The following RGS7 variants were observed in gnomAD, a reference collection of about 807,000 sequenced individuals.
The protein encoded by RGS7 is regulator of G-protein signaling 7.
In RGS7, 27 loss-of-function variants were observed where a neutral mutation model predicts 81.1. The ratio of observed to expected loss-of-function variants is 0.33; its 90% CI spans 0.25 to 0.46. The LOEUF is 0.46. RGS7 is among the 20% of genes least tolerant of loss of function. RGS7 has a pLI of 1.00. For synonymous variants in RGS7, 208 were observed against 207.7 expected (o/e 1.00, Z -0.01); for missense variants, 396 against 607.4 (o/e 0.65, Z 3.66).
chr1:240,802,503 T>A (rs1223130305), intron 16 of RGS7, among the ~76,000 whole-genome samples: 1 of 152,180 alleles, frequency 6.6e-6, no homozygotes, highest in Admixed American at 6.6e-5. Flanking sequence ...CTTTCAGTTA[T>A]GAGGCCTGTG....
intron 6 of RGS7, among the ~76,000 whole-genome samples, chr1:240,924,783 G>A (rs1446234739): frequency 6.6e-6 from 1 of 152,108 alleles, no homozygotes; most frequent in Admixed American, 6.5e-5. Context: ...GAGTGATGCA[G>A]TCACCTCAGG....
intron 2 of RGS7, among the ~76,000 whole-genome samples, chr1:241,121,099 G>A (rs1397766177): frequency 2.0e-5 from 3 of 152,090 alleles, no homozygotes; most frequent in Non-Finnish European, 4.4e-5. Context: ...CCTTGCCTGG[G>A]CTCCTGACTC....
intron 2 of RGS7, among the ~76,000 whole-genome samples, chr1:241,279,104 AT>A (rs1284633749): frequency 6.6e-6 from 1 of 152,058 alleles, no homozygotes; most frequent in East Asian, 1.9e-4. Flanking sequence ...GCAAGATCTC[AT>A]AAATTCTTCA....
At chr1:240,951,446 T>C (rs956148014) in intron 4 of RGS7, among the ~76,000 whole-genome samples, 3 of 152,038 alleles carry the variant, frequency 2.0e-5, no homozygotes, top group African/African-American at 7.2e-5. Flanking sequence ...AAGAAAGATA[T>C]TCGAAGAAAG....
intron 3 of RGS7, among the ~76,000 whole-genome samples, chr1:241,084,356 C>T (rs2063313326): frequency 6.6e-6 from 1 of 152,146 alleles, no homozygotes; most frequent in Non-Finnish European, 1.5e-5. Flanking sequence ...GAGAACTGGT[C>T]ACACTGTTAG....
rs576605283 is a variant in RGS7 at position 240,868,019 on chromosome 1, GAAAGA to G, written c.609+563_609+567del. Reference sequence around the variant, plus strand: ...CCATAAAAAAAGAGAGAGAGAGAAAGAAAGAAAAGAAAAGAAGAGAAAAGAAAGAA... The same window carrying G: ...CCATAAAAAAAGAGAGAGAGAGAAAGAAAGAAAAGAAGAGAAAAGAAAGAA... On this transcript the variant is annotated intron_variant, in intron 9 of 18. Transcript: ENST00000440928. The surrounding 1 kb of genome is among the most constrained non-coding windows in gnomAD (Gnocchi z 5.1). Among the ~76,000 whole-genome samples, 4 of 124,254 alleles carry G rather than the reference GAAAGA, an allele frequency of 3.2e-5. No individual in the cohort carries two copies. Among genetic ancestry groups the G allele is most frequent in the Non-Finnish European group, 7.1e-5 (4 of 56,550 alleles). The allele number at this position is 124,254 out of a possible 152,430, so 81.5% of individuals were successfully genotyped here.
At chr1:241,051,451 T>C (rs2061244211) in intron 3 of RGS7, among the ~76,000 whole-genome samples, 4 of 139,078 alleles carry the variant, frequency 2.9e-5, no homozygotes, top group African/African-American at 1.1e-4. Context: ...GAAAAAGGGA[T>C]TGCAGAAGCC....
chr1:240,909,391 C>T (rs558775478), intron 6 of RGS7, among the ~76,000 whole-genome samples: 1 of 152,194 alleles, frequency 6.6e-6, no homozygotes, highest in South Asian at 2.1e-4. Context: ...GTCTGTTTTC[C>T]TTGTATATTC....
chr1:240,947,951 A>C (rs1028411034), intron 4 of RGS7, among the ~76,000 whole-genome samples: 1 of 152,154 alleles, frequency 6.6e-6, no homozygotes, highest in Non-Finnish European at 1.5e-5. Context: ...AAGCATGCGC[A>C]GGCCTTAGGC....
At chr1:240,944,954 G>A (rs371353686) in intron 4 of RGS7, among the ~76,000 whole-genome samples, 1 of 152,234 alleles carries the variant, frequency 6.6e-6, no homozygotes, top group African/African-American at 2.4e-5. Flanking sequence ...CTCGTGATCT[G>A]CCTGCCTCGG....
chr1:241,221,035 AAGGAAAAG>A lies in RGS7; in HGVS notation c.79-122281_79-122274del, dbSNP rs1436045035. On this transcript the variant is annotated intron_variant, in intron 2 of 18. Coordinates refer to ENST00000440928, the MANE Select transcript of RGS7 (RefSeq NM_001364886.1). ...GAAGGAAGGAAGGAAGGAAGGAAGG[AAGGAAAAG>A]AAAGAAAGAAAGAAAGAGAGAGAGA... is the stretch of plus-strand genomic sequence containing the variant. Among the ~76,000 whole-genome samples, 195 of 106,524 alleles carry A rather than the reference AAGGAAAAG, an allele frequency of 1.8e-3. 1 individual carries two copies. Among genetic ancestry groups the A allele is most frequent in the Middle Eastern group, 4.5e-3 (1 of 222 alleles). The allele number at this position is 106,524 out of a possible 152,430, so 69.9% of individuals were successfully genotyped here. A position where few individuals can be genotyped will look rare whatever the true frequency, so the allele number is the denominator to read the frequency against.
chr1:240,896,128 G>A (rs1308743054), intron 6 of RGS7, among the ~76,000 whole-genome samples: 7 of 152,002 alleles, frequency 4.6e-5, no homozygotes, highest in Admixed American at 2.6e-4. Context: ...ACTTTTTGAT[G>A]GGGTTGATTT....
Position 241,096,882 on chromosome 1 carries a change from C to G in RGS7, c.175+1784G>C, listed in dbSNP as rs147219124. ...AGCAGGCCATACACAGTGGAACTGACCAGTTCCCAGTGCAGGATGGCAACG... is the reference window on the plus strand; with the variant it reads ...AGCAGGCCATACACAGTGGAACTGAGCAGTTCCCAGTGCAGGATGGCAACG... On this transcript the variant is annotated intron_variant, in intron 3 of 18. Transcript: ENST00000440928. Among the ~76,000 whole-genome samples the G allele has an allele frequency of 1.3e-3, 194 of 152,236 alleles. 1 individual carries two copies. Among genetic ancestry groups the G allele is most frequent in the African/African-American group, 4.5e-3 (185 of 41,538 alleles).
chr1:240,903,937 G>T lies in RGS7; in HGVS notation c.385+26780C>A, dbSNP rs201636940. 2.6e-5 allele frequency among the ~76,000 whole-genome samples: 4 copies of T among 152,268 alleles called. No homozygotes were observed. The East Asian group carries it at 5.8e-4, about 22-fold the overall frequency. On this transcript the variant is annotated intron_variant, in intron 6 of 18. Transcript: ENST00000440928. ...AGGGCCTCACCAGAAGCAGGTGCTG[G>T]TGCCATGCTTCTTGTACAGTCTGCA...
chr1:241,283,894 T>A (rs538368528), intron 2 of RGS7, among the ~76,000 whole-genome samples: 8 of 152,202 alleles, frequency 5.3e-5, no homozygotes, highest in Non-Finnish European at 1.2e-4. Flanking sequence ...GCCTTCTTCA[T>A]TCCACTGATG....
intron 4 of RGS7, among the ~76,000 whole-genome samples, chr1:240,958,722 TA>T (rs1174484389): frequency 1.3e-5 from 2 of 152,176 alleles, no homozygotes; most frequent in African/African-American, 4.8e-5. Context: ...ACCTCTCCTT[TA>T]ACATTTATGT....
chr1:240,916,109 C>CAAAAAAAAAAAAAAAAA (rs60839025), intron 6 of RGS7, among the ~76,000 whole-genome samples: 1 of 70,944 alleles, frequency 1.4e-5, no homozygotes, highest in African/African-American at 4.6e-5. Flanking sequence ...CTAAAAATAC[C>CAAAAAAAAAAAAAAAAA]AAAAAAAAAA....
At chr1:240,895,270 TTC>T (rs1668876214) in intron 6 of RGS7, among the ~76,000 whole-genome samples, 1 of 147,906 alleles carries the variant, frequency 6.8e-6, no homozygotes, top group Non-Finnish European at 1.5e-5. Flanking sequence ...TTCTTTTTCT[TTC>T]TTTCTTTCTT....
At chr1:240,944,365 T>TAAAAATCA (rs1478628459) in intron 4 of RGS7, among the ~76,000 whole-genome samples, 1 of 140,256 alleles carries the variant, frequency 7.1e-6, no homozygotes, top group Non-Finnish European at 1.5e-5. Flanking sequence ...TCAGATGAGA[T>TAAAAATCA]AAAAATCATG....
Sources: allele counts gnomAD v4.1 joint callset (sites outside exome capture counted in the v4.1 genomes callset), GRCh38; gene constraint gnomAD v4.1.1; non-coding constraint Gnocchi (gnomAD v3.1); transcripts MANE v1.5; gene names NCBI Gene and HGNC (gene_info 2026-07-23, HGNC 2026-07-21).